The following NEGR1 variants were observed in gnomAD, a reference collection of about 807,000 sequenced individuals.
NEGR1 encodes the protein IgLON family member 4.
Under a neutral mutation model 40.9 loss-of-function variants are expected in NEGR1, and 10 were observed. The ratio of observed to expected loss-of-function variants is 0.24; its 90% CI spans 0.15 to 0.42. The LOEUF (loss-of-function observed/expected upper bound fraction) is 0.42. NEGR1 is among the 10% of genes least tolerant of loss of function. The pLI is 1.00. For missense variants in NEGR1, 352 were observed against 438.9 expected (o/e 0.80, Z 1.77); for synonymous variants, 185 against 166.8 (o/e 1.11, Z -0.84).
intron 3 of NEGR1, among the ~76,000 whole-genome samples, chr1:71,729,616 A>T (rs1654786942): frequency 6.6e-6 from 1 of 151,960 alleles, no homozygotes; most frequent in East Asian, 1.9e-4. Context: ...TCATTAAGAG[A>T]TGTAGCTGAA....
chr1:72,263,380 G>T (rs1655526717), intron 1 of NEGR1, among the ~76,000 whole-genome samples: 1 of 151,380 alleles, frequency 6.6e-6, no homozygotes, highest in Non-Finnish European at 1.5e-5. Flanking sequence ...AGCTGAGGGA[G>T]ATTTCTTAAA....
chr1:71,823,257 GT>G (rs1214334542), intron 2 of NEGR1, among the ~76,000 whole-genome samples: 1 of 145,590 alleles, frequency 6.9e-6, no homozygotes, highest in East Asian at 2.0e-4. Context: ...ATTATGAATA[GT>G]GAGACATCCA....
intron 6 of NEGR1, among the ~76,000 whole-genome samples, chr1:71,460,532 C>CT (rs1646707351): frequency 6.6e-6 from 1 of 152,174 alleles, no homozygotes; most frequent in Non-Finnish European, 1.5e-5. Flanking sequence ...AAACAAGGAT[C>CT]TTAAAAACTG....
In NEGR1 at chr1:71,691,063, A is replaced by G. The variant is rs900387633; in HGVS notation, c.667+6945T>C. On this transcript the variant is annotated intron_variant, in intron 4 of 6. Transcript: ENST00000357731. Reference sequence around the variant, plus strand: ...AGACCCTTAACACTAAATCCTCTTAACAAAGATAAGTGCATGGGAGAATAC... The same window carrying G: ...AGACCCTTAACACTAAATCCTCTTAGCAAAGATAAGTGCATGGGAGAATAC... Among the ~76,000 whole-genome samples the G allele has an allele frequency of 8.8e-4, 133 of 151,940 alleles. 2 individuals carry two copies. Among genetic ancestry groups the G allele is most frequent in the African/African-American group, 3.2e-3 (132 of 41,424 alleles).
chr1:71,873,559 T>A (rs1660341209), intron 2 of NEGR1, among the ~76,000 whole-genome samples: 1 of 152,140 alleles, frequency 6.6e-6, no homozygotes, highest in African/African-American at 2.4e-5. Context: ...TATACAAAAT[T>A]AAAATAATGC....
At chr1:72,198,978 C>T (rs1370974544) in intron 1 of NEGR1, among the ~76,000 whole-genome samples, 1 of 151,932 alleles carries the variant, frequency 6.6e-6, no homozygotes, top group African/African-American at 2.4e-5. Flanking sequence ...TATATCACCA[C>T]AGTACATTTT....
At chr1:72,238,167 G>A (rs12057335) in intron 1 of NEGR1, among the ~76,000 whole-genome samples, 6,045 of 151,602 alleles carry the variant, frequency 0.04, 383 homozygotes, top group African/African-American at 0.14. Context: ...AACACTATGG[G>A]GATTTTCTTG....
intron 2 of NEGR1, among the ~76,000 whole-genome samples, chr1:71,925,136 A>G (rs1359474902): frequency 1.8e-4 from 27 of 152,216 alleles, no homozygotes; most frequent in Admixed American, 1.4e-3. Flanking sequence ...TTGACTTGAG[A>G]TCTTTCTTGG....
intron 6 of NEGR1, among the ~76,000 whole-genome samples, chr1:71,502,171 G>A (rs1569955541): frequency 6.6e-6 from 1 of 152,104 alleles, no homozygotes. Flanking sequence ...GCACCCAGAA[G>A]GTCACGAAAA....
chr1:72,037,642 A>G (rs1386975463), intron 1 of NEGR1, among the ~76,000 whole-genome samples: 1 of 152,170 alleles, frequency 6.6e-6, no homozygotes, highest in Non-Finnish European at 1.5e-5. Flanking sequence ...TAACAGAATT[A>G]AATAATTTTA....
At chr1:71,842,000 C>G (rs1203447063) in intron 2 of NEGR1, among the ~76,000 whole-genome samples, 2 of 152,144 alleles carry the variant, frequency 1.3e-5, no homozygotes, top group Non-Finnish European at 2.9e-5. Context: ...CACACTGCTA[C>G]TTAGCAGTAG....
intron 6 of NEGR1, among the ~76,000 whole-genome samples, chr1:71,474,108 C>G (rs1646802468): frequency 6.6e-6 from 1 of 151,852 alleles, no homozygotes; most frequent in Non-Finnish European, 1.5e-5. Flanking sequence ...CCAGGCATAC[C>G]TAGGGTAAGA....
intron 4 of NEGR1, among the ~76,000 whole-genome samples, chr1:71,624,310 T>A (rs1431242982): frequency 1.3e-5 from 2 of 152,014 alleles, no homozygotes; most frequent in Non-Finnish European, 2.9e-5. Context: ...CATTACTTCT[T>A]GCTTGAAATA....
intron 1 of NEGR1, among the ~76,000 whole-genome samples, chr1:72,130,320 C>A (rs144575031): frequency 5.3e-5 from 8 of 152,248 alleles, no homozygotes; most frequent in African/African-American, 1.9e-4. Flanking sequence ...GAAATATCAA[C>A]CAGGTTGCTA....
chr1:71,665,893 G>T (rs966298428), intron 4 of NEGR1, among the ~76,000 whole-genome samples: 6 of 151,960 alleles, frequency 3.9e-5, no homozygotes, highest in Admixed American at 3.3e-4. Flanking sequence ...AACCTCAGTT[G>T]GTTCTTTGGT....
intron 6 of NEGR1, among the ~76,000 whole-genome samples, chr1:71,587,664 GCACACACACACA>G (rs67250351): frequency 8.6e-5 from 13 of 150,484 alleles, no homozygotes; most frequent in African/African-American, 9.8e-5. Context: ...ACACACACAT[GCACACACACACA>G]CACACACACA....
intron 1 of NEGR1, among the ~76,000 whole-genome samples, chr1:72,266,569 T>C (rs1655646263): frequency 6.6e-6 from 1 of 150,978 alleles, no homozygotes; most frequent in Admixed American, 6.6e-5. Context: ...AAGGAACTTC[T>C]TTATATTGAC....
intron 1 of NEGR1, among the ~76,000 whole-genome samples, chr1:72,088,718 A>G (rs1648324641): frequency 6.6e-6 from 1 of 151,352 alleles, no homozygotes; most frequent in Non-Finnish European, 1.5e-5. Context: ...GACCCTAAGG[A>G]GATTTTGTTT....
chr1:71,918,014 G>A (rs1325612178), intron 2 of NEGR1, among the ~76,000 whole-genome samples: 1 of 149,764 alleles, frequency 6.7e-6, no homozygotes, highest in Non-Finnish European at 1.5e-5. Flanking sequence ...TCAGGAGATC[G>A]AGACCATCCT....
Sources: gnomAD v4.1 joint callset for allele counts (sites outside exome capture counted in the v4.1 genomes callset) on GRCh38, gnomAD v4.1.1 for gene constraint, MANE v1.5 for transcripts, NCBI Gene and HGNC (gene_info 2026-07-23, HGNC 2026-07-21) for gene names.